Variants in OSBPL6 observed in about 807,000 individuals in gnomAD.
The protein encoded by OSBPL6 is oxysterol-binding protein-related protein 6.
In OSBPL6, 49 loss-of-function variants were observed where a neutral mutation model predicts 125.8. The ratio of observed to expected loss-of-function variants is 0.39; its 90% CI spans 0.31 to 0.49. The LOEUF (loss-of-function observed/expected upper bound fraction) is 0.49, where lower values mean the gene tolerates loss of function less well. Ranked by LOEUF, OSBPL6 falls within the 20% of genes least tolerant of loss-of-function variation. OSBPL6 has a pLI of 0.88. For missense variants in OSBPL6, 986 were observed against 1,135.4 expected, an observed-to-expected ratio of 0.87 and a Z score of 1.89; for synonymous variants, 394 against 391.8, an observed-to-expected ratio of 1.01 and a Z score of -0.07.
At chr2:178,221,096 G>C (rs1559130394) in intron 1 of OSBPL6, among the ~76,000 whole-genome samples, 1 of 152,128 alleles carries the variant, frequency 6.6e-6, no homozygotes, top group Non-Finnish European at 1.5e-5. Context: ...GAGGCTCTTT[G>C]TTTCCCCCTC....
chr2:178,229,388 G>T lies in OSBPL6; in HGVS notation c.-351+34714G>T, dbSNP rs150667052. 9.9e-5 allele frequency among the ~76,000 whole-genome samples: 15 copies of T among 152,172 alleles called. No homozygotes were observed. The East Asian group carries it at 2.7e-3, about 27-fold the overall frequency. The stretch of plus-strand genomic sequence containing the variant: ...ATTCAGTTCCCTAGTCTCCCTACCC[G>T]CCTTTGAAGTGATTAGTAACCACAT... On this transcript the variant is annotated intron_variant, in intron 1 of 24. Transcript: ENST00000190611.
chr2:178,240,697 G>T (rs1312825270), intron 1 of OSBPL6, among the ~76,000 whole-genome samples: 1 of 152,198 alleles, frequency 6.6e-6, no homozygotes, highest in Non-Finnish European at 1.5e-5. Flanking sequence ...AGGTTGCAGT[G>T]AGCCAAGATT....
intron 4 of OSBPL6, 59 bp from the exon 5 acceptor site, chr2:178,328,197 T>C: frequency 6.2e-7 from 1 of 1,604,662 alleles, no homozygotes; most frequent in South Asian, 1.1e-5. Flanking sequence ...AAGAATCTGC[T>C]TTAAGTGTGT....
intron 1 of OSBPL6, among the ~76,000 whole-genome samples, chr2:178,236,764 A>G (rs1024801334): frequency 1.3e-5 from 2 of 152,200 alleles, no homozygotes; most frequent in Non-Finnish European, 2.9e-5. Flanking sequence ...CTTAACCTTC[A>G]TGATAATTTG....
chr2:178,261,351 ACCT>A (rs2092054939), intron 1 of OSBPL6, among the ~76,000 whole-genome samples: 1 of 151,730 alleles, frequency 6.6e-6, no homozygotes, highest in Non-Finnish European at 1.5e-5. Flanking sequence ...CACCCTGTAT[ACCT>A]AAGAATTACT....
rs1352697658 is a variant in OSBPL6 at position 178,306,267 on chromosome 2, C to T, written c.83C>T (p.Ser28Phe). 1.2e-6 allele frequency: 2 copies of T among 1,611,718 alleles called. No individual in the cohort carries two copies. The highest frequency in any genetic ancestry group is 2.7e-5 in the African/African-American group (2 of 74,856). Residue 28 changes from serine (S) to phenylalanine (F), a missense_variant, in exon 3 of 25, where the codon TCC becomes TTC. By Grantham distance (155) the Ser-to-Phe change is radical. This residue lies in a region of OSBPL6 where 130 missense variants were observed against 106.4 expected (regional missense o/e 1.22). Transcript: ENST00000190611. ...THRSASSSTS[S>F]QRDSRQSIHI... ...AGAAGTGCCTCCTCTTCAACATCCT[C>T]CCAAAGGGACAGTAGGCAGGTAAGA...
chr2:178,385,505 T>G lies in OSBPL6; in HGVS notation c.2061T>G (p.Asn687Lys), dbSNP rs1053440853. 1 of 1,609,834 alleles carries G rather than the reference T, an allele frequency of 6.2e-7. No homozygotes were observed. Among genetic ancestry groups the G allele is most frequent in the Non-Finnish European group, 8.5e-7 (1 of 1,176,662 alleles). ...PISACHCESK[N>K]FVFWQDIRWK... Reference sequence around the variant, plus strand: ...CTGCCTGTCACTGTGAATCAAAGAATTTTGTGTTTTGGCAAGGTTTGTATT... The same window carrying G: ...CTGCCTGTCACTGTGAATCAAAGAAGTTTGTGTTTTGGCAAGGTTTGTATT... Residue 687 changes from asparagine (N) to lysine (K), a missense_variant, in exon 19 of 25, where the codon AAT (asparagine) becomes AAG (lysine). Asn to Lys is a moderately conservative substitution (Grantham distance 94). This residue lies in a region of OSBPL6 where 843 missense variants were observed against 997.3 expected (regional missense o/e 0.85). Transcript: ENST00000190611.
intron 13 of OSBPL6, among the ~76,000 whole-genome samples, chr2:178,368,480 C>G (rs1227163410): frequency 6.6e-6 from 1 of 152,090 alleles, no homozygotes; most frequent in African/African-American, 2.4e-5. Context: ...TAACATCTGG[C>G]TTGAAATCAT....
At chr2:178,297,887 T>C (rs1685902449) in intron 2 of OSBPL6, among the ~76,000 whole-genome samples, 1 of 152,254 alleles carries the variant, frequency 6.6e-6, no homozygotes. Flanking sequence ...TCATTTTAAC[T>C]GCTTTGAAGT....
At chr2:178,321,802 G>T (rs7592114) in intron 3 of OSBPL6, among the ~76,000 whole-genome samples, 48,113 of 152,026 alleles carry the variant, frequency 0.32, 7,750 homozygotes, top group African/African-American at 0.36. Flanking sequence ...TGTTTTTTAT[G>T]ATTCTCTGGG....
intron 22 of OSBPL6, among the ~76,000 whole-genome samples, chr2:178,391,964 A>G (rs1320989929): frequency 6.6e-6 from 1 of 152,244 alleles, no homozygotes; most frequent in Non-Finnish European, 1.5e-5. Context: ...AATGAGCAAG[A>G]CATACAAAGA....
intron 2 of OSBPL6, among the ~76,000 whole-genome samples, chr2:178,296,503 C>T (rs1044066529): frequency 3.3e-5 from 5 of 152,090 alleles, no homozygotes; most frequent in African/African-American, 1.2e-4. Context: ...ACAATGAAAA[C>T]CACCACACAC....
chr2:178,357,376 T>G (rs368919529), intron 12 of OSBPL6, among the ~76,000 whole-genome samples: 1 of 152,118 alleles, frequency 6.6e-6, no homozygotes, highest in Non-Finnish European at 1.5e-5. Context: ...TACGAAGAAC[T>G]CAAACAAATT....
chr2:178,380,622 T>C (rs1694384645), intron 15 of OSBPL6, among the ~76,000 whole-genome samples: 1 of 152,114 alleles, frequency 6.6e-6, no homozygotes, highest in South Asian at 2.1e-4. Flanking sequence ...GGAGAGCAAT[T>C]TGGCAACATG....
At chr2:178,196,762 G>A (rs1475434297) in intron 1 of OSBPL6, among the ~76,000 whole-genome samples, 1 of 152,124 alleles carries the variant, frequency 6.6e-6, no homozygotes, top group Non-Finnish European at 1.5e-5. Context: ...TGAAAGGTAA[G>A]GCATACATTC....
At chr2:178,240,657 G>A (rs138538297) in intron 1 of OSBPL6, among the ~76,000 whole-genome samples, 20,135 of 152,140 alleles carry the variant, frequency 0.13, 2,903 homozygotes, top group African/African-American at 0.36. Flanking sequence ...GGAGGCTGAG[G>A]CAGGAGAATT....
At chr2:178,388,940 C>T in intron 20 of OSBPL6, 69 bp from the exon 21 acceptor site, 2 of 1,504,564 alleles carry the variant, frequency 1.3e-6, no homozygotes, top group Non-Finnish European at 9.0e-7. Context: ...AGAATATTCT[C>T]ATTAGCAGAA....
Position 178,398,296 on chromosome 2 carries a change from G to A in OSBPL6, c.*2737G>A, listed in dbSNP as rs1250945237. On this transcript the variant is annotated 3_prime_UTR_variant, in exon 25 of 25. Coordinates refer to ENST00000190611, the MANE Select transcript of OSBPL6 (RefSeq NM_032523.4). Reference sequence around the variant, plus strand: ...CCTACTTTCTTGTTTTTTCCTAAAAGGATCTAGGATAGAGGAGAACATAAT... The same window carrying A: ...CCTACTTTCTTGTTTTTTCCTAAAAAGATCTAGGATAGAGGAGAACATAAT... 2 of 152,144 alleles carry A rather than the reference G, an allele frequency of 1.3e-5. No individual in the cohort carries two copies. The highest frequency in any genetic ancestry group is 4.8e-5 in the African/African-American group (2 of 41,422). 9.4% of individuals were successfully genotyped at this position (152,144 alleles called of 1,614,324 possible). A position where few individuals can be genotyped will look rare whatever the true frequency, so the allele number is the denominator to read the frequency against.
intron 14 of OSBPL6, among the ~76,000 whole-genome samples, chr2:178,372,447 C>T (rs745343806): frequency 6.6e-6 from 1 of 151,954 alleles, no homozygotes; most frequent in Admixed American, 6.6e-5. Flanking sequence ...TTTATTTATT[C>T]CTATGTTCAC....
Sources: allele counts gnomAD v4.1 joint callset (sites outside exome capture counted in the v4.1 genomes callset), GRCh38; gene constraint gnomAD v4.1.1; regional missense constraint gnomAD v4.1.1; transcripts MANE v1.5; gene names NCBI Gene and HGNC (gene_info 2026-07-23, HGNC 2026-07-21).